NMRK1: variants seen among roughly 807,000 people sequenced by gnomAD.
NMRK1 encodes nicotinamide riboside kinase 1, also known as NRK 1.
NMRK1 carries 28 observed loss-of-function variants against 29.9 expected under a neutral mutation model. That is an observed-to-expected ratio of 0.94 (90% CI 0.69 to 1.28). The LOEUF (loss-of-function observed/expected upper bound fraction) is 1.28, where lower values mean the gene tolerates loss of function less well. NMRK1 is among the 50% of genes most tolerant of loss of function. NMRK1 has a pLI of 0.00. For missense variants in NMRK1, 218 were observed against 233.1 expected, an observed-to-expected ratio of 0.94 and a Z score of 0.42; for synonymous variants, 58 against 73.0, an observed-to-expected ratio of 0.79 and a Z score of 1.05.
intron 7 of NMRK1, among the ~76,000 whole-genome samples, chr9:75,068,111 G>A (rs1564127387): frequency 6.6e-6 from 1 of 152,004 alleles, no homozygotes; most frequent in Non-Finnish European, 1.5e-5. Flanking sequence ...TCTAACATCT[G>A]TCAGTTGCTG....
At chr9:75,061,779 A>C (rs1823033971) in intron 8 of NMRK1, among the ~76,000 whole-genome samples, 1 of 152,232 alleles carries the variant, frequency 6.6e-6, no homozygotes, top group African/African-American at 2.4e-5. Flanking sequence ...TATCAGATAG[A>C]TATCCAATAT....
intron 4 of NMRK1, among the ~76,000 whole-genome samples, chr9:75,075,872 C>T (rs1408679479): frequency 6.6e-6 from 1 of 152,174 alleles, no homozygotes; most frequent in Non-Finnish European, 1.5e-5. Context: ...GCTACTTATA[C>T]ATCTTCAGAA....
chr9:75,078,351 G>A (rs369031944), intron 2 of NMRK1: 22 of 1,573,076 alleles, frequency 1.4e-5, no homozygotes, highest in Non-Finnish European at 1.6e-5. Flanking sequence ...CCTCTGCGAT[G>A]CCTCCTTTTC....
Position 75,061,531 on chromosome 9 carries a change from T to C in NMRK1, c.*17A>G. 2 of 1,606,544 alleles carry C rather than the reference T, an allele frequency of 1.2e-6. No individual in the cohort carries two copies. Among genetic ancestry groups the C allele is most frequent in the Non-Finnish European group, 1.7e-6 (2 of 1,174,442 alleles). On this transcript the variant is annotated 3_prime_UTR_variant, in exon 9 of 9. Coordinates refer to ENST00000361092, the MANE Select transcript of NMRK1 (RefSeq NM_017881.3). Reference sequence around the variant, plus strand: ...GTTTCCTAATTCACTTCAGGAAGGATTTGTTGTGTTCCGTCTTTATGCTGT... The same window carrying C: ...GTTTCCTAATTCACTTCAGGAAGGACTTGTTGTGTTCCGTCTTTATGCTGT...
intron 2 of NMRK1, among the ~76,000 whole-genome samples, chr9:75,082,266 T>A (rs1355656505): frequency 1.3e-5 from 2 of 152,146 alleles, no homozygotes; most frequent in South Asian, 4.1e-4. Flanking sequence ...ACAAGAGAAG[T>A]ACTGCAGAGA....
At chr9:75,077,687 G>A (rs1434807491) in intron 2 of NMRK1, 107 bp from the exon 3 acceptor site, 4 of 729,132 alleles carry the variant, frequency 5.5e-6, no homozygotes, top group African/African-American at 3.5e-5. Flanking sequence ...CAAGGCTGGA[G>A]TGCAGTGGTG....
intron 2 of NMRK1, among the ~76,000 whole-genome samples, chr9:75,078,761 T>C (rs912272060): frequency 8.5e-5 from 13 of 152,220 alleles, no homozygotes; most frequent in African/African-American, 2.7e-4. Flanking sequence ...GCAGTTGGGG[T>C]GGATATCTTG....
chr9:75,075,898 G>A (rs1823961487), intron 4 of NMRK1, among the ~76,000 whole-genome samples: 1 of 152,158 alleles, frequency 6.6e-6, no homozygotes, highest in Admixed American at 6.5e-5. Flanking sequence ...ATGGGCAGAG[G>A]GACAGCAAGC....
rs60181071 is a variant in NMRK1, at chr9:75,070,163, A to C, written c.170-121T>G. The C allele has an allele frequency of 1.6e-4, 104 of 663,064 alleles. 2 individuals carry two copies. In the African/African-American group the frequency reaches 1.8e-3, roughly 12 times the overall value. 41.1% of individuals were successfully genotyped at this position (663,064 alleles called of 1,614,324 possible). A position where few individuals can be genotyped will look rare whatever the true frequency, so the allele number is the denominator to read the frequency against. On this transcript the variant is annotated intron_variant, in intron 4 of 8. Coordinates refer to ENST00000361092, the MANE Select transcript of NMRK1 (RefSeq NM_017881.3). ...TACACCACCATTTTATTTCCCTTCAAAACTCCTAATAACAAATAATTTAGA... is the reference window on the plus strand; with the variant it reads ...TACACCACCATTTTATTTCCCTTCACAACTCCTAATAACAAATAATTTAGA...
chr9:75,065,512 TCTCA>T (rs1387670863), intron 8 of NMRK1, among the ~76,000 whole-genome samples: 1 of 152,072 alleles, frequency 6.6e-6, no homozygotes, highest in Non-Finnish European at 1.5e-5. Context: ...ATGGAGTCCC[TCTCA>T]CTATGTTGCT....
In NMRK1 at chr9:75,073,407, T is replaced by G. The variant is rs144879281; in HGVS notation, c.170-3365A>C. Among the ~76,000 whole-genome samples, 227 of 152,302 alleles carry G rather than the reference T, an allele frequency of 1.5e-3. 2 individuals carry two copies. The highest frequency in any genetic ancestry group is 4.9e-4 in the Non-Finnish European group (33 of 68,030). On this transcript the variant is annotated intron_variant, in intron 4 of 8. Transcript: ENST00000361092. ...GGCATTCTGTGGTACTTTGTTATGT[T>G]GCCCTAGCAAACTAATACACAAAGG...
At chr9:75,079,989 A>G (rs1044747314) in intron 2 of NMRK1, among the ~76,000 whole-genome samples, 1 of 152,162 alleles carries the variant, frequency 6.6e-6, no homozygotes, top group African/African-American at 2.4e-5. Context: ...ACAACACCCA[A>G]ATAAATGCAC....
intron 1 of NMRK1, among the ~76,000 whole-genome samples, chr9:75,086,547 A>T (rs1335569277): frequency 1.3e-5 from 2 of 152,278 alleles, no homozygotes; most frequent in East Asian, 1.9e-4. Context: ...TGGGTTTTTT[A>T]AAATAATTCA....
intron 1 of NMRK1, among the ~76,000 whole-genome samples, chr9:75,084,790 A>T (rs1824523374): frequency 6.6e-6 from 1 of 152,196 alleles, no homozygotes; most frequent in Non-Finnish European, 1.5e-5. Flanking sequence ...GCCCTGTCTT[A>T]AAAAATAAAA....
At chr9:75,080,219 A>T (rs952813702) in intron 2 of NMRK1, among the ~76,000 whole-genome samples, 2 of 152,224 alleles carry the variant, frequency 1.3e-5, no homozygotes, top group Non-Finnish European at 2.9e-5. Flanking sequence ...ATGTTAAGTA[A>T]TGGAGATGGG....
intron 3 of NMRK1, 80 bp from the exon 4 acceptor site, chr9:75,077,287 CTT>C: frequency 9.6e-7 from 1 of 1,038,136 alleles, no homozygotes; most frequent in Non-Finnish European, 1.5e-6. Context: ...GGAGAGAAGT[CTT>C]TAATAAATGC....
At chr9:75,080,404 T>A (rs1003236864) in intron 2 of NMRK1, among the ~76,000 whole-genome samples, 1 of 152,080 alleles carries the variant, frequency 6.6e-6, no homozygotes, top group African/African-American at 2.4e-5. Context: ...GTAATCCCAG[T>A]ACTTTGGGAG....
intron 2 of NMRK1, among the ~76,000 whole-genome samples, chr9:75,079,768 A>ATGGGGGAATAGGATGGGG (rs1162520362): frequency 1.3e-5 from 2 of 152,090 alleles, no homozygotes; most frequent in East Asian, 3.9e-4. Context: ...AGGGATAGGA[A>ATGGGGGAATAGGATGGGG]TGGGGGAATA....
At chr9:75,073,005 T>G (rs947719656) in intron 4 of NMRK1, among the ~76,000 whole-genome samples, 2 of 152,242 alleles carry the variant, frequency 1.3e-5, no homozygotes, top group African/African-American at 4.8e-5. Flanking sequence ...TGTTATGAGT[T>G]GAATGCGTCC....
Sources: gnomAD v4.1 joint callset for allele counts (sites outside exome capture counted in the v4.1 genomes callset) on GRCh38, gnomAD v4.1.1 for gene constraint, MANE v1.5 for transcripts, NCBI Gene and HGNC (gene_info 2026-07-23, HGNC 2026-07-21) for gene names.